The following KCNQ4 variants were observed in gnomAD, a reference collection of about 807,000 sequenced individuals.
The protein encoded by KCNQ4 is potassium voltage-gated channel subfamily KQT member 4.
KCNQ4 carries 31 observed loss-of-function variants against 72.6 expected under a neutral mutation model. The ratio of observed to expected loss-of-function variants is 0.43; its 90% CI spans 0.32 to 0.58. KCNQ4 has a LOEUF of 0.58. Ranked by LOEUF, KCNQ4 falls within the 20% of genes least tolerant of loss-of-function variation. KCNQ4 has a pLI of 0.08. For synonymous variants in KCNQ4, 405 were observed against 403.7 expected, an observed-to-expected ratio of 1.00 and a Z score of -0.04; for missense variants, 869 against 962.6, an observed-to-expected ratio of 0.90 and a Z score of 1.29.
intron 3 of KCNQ4, 49 bp downstream of exon 3, chr1:40,818,339 G>A: frequency 1.2e-6 from 2 of 1,611,250 alleles, no homozygotes; most frequent in Non-Finnish European, 8.5e-7. Context: ...CAGGAGCCAG[G>A]GTGACGCCTT....
chr1:40,831,405 T>A (rs1277780706), intron 10 of KCNQ4, 101 bp downstream of exon 10: 4 of 959,646 alleles, frequency 4.2e-6, no homozygotes, highest in Non-Finnish European at 6.4e-6. Flanking sequence ...GCGTCTCAGC[T>A]CTGGAACTGA....
Position 40,796,177 on chromosome 1 carries a change from G to A in KCNQ4, c.314+11770G>A, listed in dbSNP as rs955001331. ...CAGGACTGTGGTGGGGGGCCGAGGG[G>A]GTAATCAGTGCACATCAGGGGCACC... On this transcript the variant is annotated intron_variant, in intron 1 of 13. Transcript: ENST00000347132. 2.0e-5 allele frequency among the ~76,000 whole-genome samples: 3 copies of A among 152,106 alleles called. No individual in the cohort carries two copies. In the South Asian group the frequency reaches 6.2e-4, roughly 32 times the overall value.
chr1:40,796,423 C>T lies in KCNQ4; in HGVS notation c.314+12016C>T, dbSNP rs1320388903. ...TCTCAATGACACTATGAGGTAGGTA[C>T]TGTTATTATGCCTACTTTTCAGATG... On this transcript the variant is annotated intron_variant, in intron 1 of 13. Transcript: ENST00000347132. Among the ~76,000 whole-genome samples, 3 of 152,284 alleles carry T rather than the reference C, an allele frequency of 2.0e-5. No homozygotes were observed. The East Asian group carries it at 5.8e-4, about 29-fold the overall frequency.
chr1:40,785,394 T>A (rs1408048794), intron 1 of KCNQ4, among the ~76,000 whole-genome samples: 1 of 152,178 alleles, frequency 6.6e-6, no homozygotes. Flanking sequence ...CTCTGGTCCC[T>A]GGAAAATGTG....
At position 40,824,563 on chromosome 1, in the gene KCNQ4, C is replaced by T. The variant is rs3767941; in HGVS notation, c.1292+305C>T. Among the ~76,000 whole-genome samples, 43,485 of 152,010 alleles carry T rather than the reference C, an allele frequency of 0.29. 7,868 individuals carry two copies. The highest frequency in any genetic ancestry group is 0.5 in the African/African-American group (20,588 of 41,380). ...CCTCTTTCTTTCTCTGTTCCCACGT[C>T]CCCCTTACTCCTCCATCCCTGCACC... On this transcript the variant is annotated intron_variant, in intron 9 of 13. Transcript: ENST00000347132.
In KCNQ4 at chr1:40,826,418, G is replaced by C. The variant is rs563600224; in HGVS notation, c.1292+2160G>C. The stretch of plus-strand genomic sequence containing the variant: ...CCACAGGATCAGAATCTCTGGAGAA[G>C]AGACACAGCCTTCTGCATATGTAAC... On this transcript the variant is annotated intron_variant, in intron 9 of 13. Transcript: ENST00000347132. 8.5e-5 allele frequency among the ~76,000 whole-genome samples: 13 copies of C among 152,366 alleles called. No homozygotes were observed. The South Asian group carries it at 2.7e-3, about 32-fold the overall frequency.
chr1:40,824,194 T>A lies in KCNQ4; in HGVS notation c.1228T>A (p.Ser410Thr). Residue 410 changes from serine (S) to threonine (T), a missense_variant, in exon 9 of 14, where the codon TCC (serine) becomes ACC (threonine). Physicochemically the swap from Ser to Thr is moderately conservative, Grantham distance 58. Around this residue, in one of 5 missense-constraint regions of KCNQ4, gnomAD observed 480 missense variants for 501.9 expected, o/e 0.96. Coordinates refer to ENST00000347132, the MANE Select transcript of KCNQ4 (RefSeq NM_004700.4). Reference protein sequence around the residue: ...RRAPVPDGAPSRYPPVATCHR... With the variant: ...RRAPVPDGAPTRYPPVATCHR... Reference sequence around the variant, plus strand: ...GGCGCCGGTACCCGACGGAGCACCCTCCCGTTACCCGCCCGTTGCCACCTG... The same window carrying A: ...GGCGCCGGTACCCGACGGAGCACCCACCCGTTACCCGCCCGTTGCCACCTG... 2 of 1,591,498 alleles carry A rather than the reference T, an allele frequency of 1.3e-6. No homozygotes were observed. Among genetic ancestry groups the A allele is most frequent in the Non-Finnish European group, 1.7e-6 (2 of 1,170,222 alleles).
chr1:40,822,923 G>A (rs1648349026), intron 8 of KCNQ4, among the ~76,000 whole-genome samples: 1 of 152,208 alleles, frequency 6.6e-6, no homozygotes, highest in South Asian at 2.1e-4. Context: ...ACTGGCCCGG[G>A]CCAGGCTAAG....
intron 11 of KCNQ4, 36 bp from the exon 12 acceptor site, chr1:40,834,931 A>G: frequency 2.5e-6 from 4 of 1,610,666 alleles, no homozygotes; most frequent in Non-Finnish European, 1.7e-6. Context: ...TCCCTGCTCT[A>G]ACAGGACACT....
At chr1:40,797,922 T>G (rs1647463026) in intron 1 of KCNQ4, among the ~76,000 whole-genome samples, 1 of 152,134 alleles carries the variant, frequency 6.6e-6, no homozygotes, top group Non-Finnish European at 1.5e-5. Flanking sequence ...GCGCCGAGGC[T>G]GTCTGGAAAG....
intron 12 of KCNQ4, 146 bp downstream of exon 12, chr1:40,835,244 GC>G: frequency 9.3e-7 from 1 of 1,071,248 alleles, no homozygotes; most frequent in Non-Finnish European, 1.3e-6. Flanking sequence ...GGCTTGCAGT[GC>G]CAGCCTGAGG....
chr1:40,812,554 G>T (rs1418140797), intron 1 of KCNQ4, among the ~76,000 whole-genome samples: 1 of 152,174 alleles, frequency 6.6e-6, no homozygotes, highest in African/African-American at 2.4e-5. Context: ...GAGCCACCGC[G>T]CCTCGTCCCA....
rs1482133037 is a variant in KCNQ4, at chr1:40,794,967, G to C, written c.314+10560G>C. Among the ~76,000 whole-genome samples, 1 of 150,004 alleles carries C rather than the reference G, an allele frequency of 6.7e-6. No homozygotes were observed. The highest frequency in any genetic ancestry group is 2.5e-5 in the African/African-American group (1 of 40,500). ...CAAGGCTCTTTCCTAAGATTGGGTT[G>C]GGCGGGTGGGGGGGTGGGGGGCAGA... On this transcript the variant is annotated intron_variant, in intron 1 of 13. Coordinates refer to ENST00000347132, the MANE Select transcript of KCNQ4 (RefSeq NM_004700.4). The surrounding 1 kb of genome is among the most constrained non-coding windows in gnomAD (Gnocchi z 4.2).
At chr1:40,820,390 C>A in intron 7 of KCNQ4, 130 bp downstream of exon 7, 1 of 811,394 alleles carries the variant, frequency 1.2e-6, no homozygotes, top group Non-Finnish European at 2.1e-6. Context: ...GGCTATGTGA[C>A]TTTCCTGGAG....
chr1:40,817,915 TGAG>T lies in KCNQ4; in HGVS notation c.406-245_406-243del, dbSNP rs1404074529. 1.3e-5 allele frequency among the ~76,000 whole-genome samples: 2 copies of T among 152,028 alleles called. No individual in the cohort carries two copies. Among genetic ancestry groups the T allele is most frequent in the Non-Finnish European group, 2.9e-5 (2 of 67,992 alleles). The stretch of plus-strand genomic sequence containing the variant: ...GACAGCTGGGACAGGGAGGGCCTGT[TGAG>T]GAGCAGAAAAATCCGATCAGTTCAT... On this transcript the variant is annotated intron_variant, in intron 2 of 13. Transcript: ENST00000347132. This position sits in a 1 kb window ranked among gnomAD's most constrained non-coding sequence, Gnocchi z 5.5.
rs147084400 is a variant in KCNQ4, at chr1:40,795,858, T to C, written c.314+11451T>C. Among the ~76,000 whole-genome samples the C allele has an allele frequency of 2.8e-4, 43 of 152,350 alleles. 1 individual carries two copies. The East Asian group carries it at 8.3e-3, about 29-fold the overall frequency. ...AGGCTAGAGTTCTAAGCACAGACTT[T>C]GTCACTGAGTAATAAGATTCATAGT... On this transcript the variant is annotated intron_variant, in intron 1 of 13. Coordinates refer to ENST00000347132, the MANE Select transcript of KCNQ4 (RefSeq NM_004700.4).
intron 1 of KCNQ4, among the ~76,000 whole-genome samples, chr1:40,800,001 C>T (rs1647530067): frequency 6.6e-6 from 1 of 152,120 alleles, no homozygotes; most frequent in Non-Finnish European, 1.5e-5. Flanking sequence ...CCTATATGGC[C>T]CTGGCATATC....
At chr1:40,819,832 G>A (rs776304148) in intron 5 of KCNQ4, 43 bp from the exon 6 acceptor site, 1 of 1,474,390 alleles carries the variant, frequency 6.8e-7, no homozygotes, top group Non-Finnish European at 9.5e-7. Flanking sequence ...GCCGTAGGTG[G>A]CCCCCGTGAC....
intron 1 of KCNQ4, among the ~76,000 whole-genome samples, chr1:40,795,596 T>C (rs1343722113): frequency 6.6e-6 from 1 of 152,068 alleles, no homozygotes; most frequent in Non-Finnish European, 1.5e-5. Context: ...CATCAGAGGA[T>C]CCCACTTCTC....
Sources: allele counts gnomAD v4.1 joint callset (sites outside exome capture counted in the v4.1 genomes callset), GRCh38; gene constraint gnomAD v4.1.1; regional missense constraint gnomAD v4.1.1; non-coding constraint Gnocchi (gnomAD v3.1); transcripts MANE v1.5; gene names NCBI Gene and HGNC (gene_info 2026-07-23, HGNC 2026-07-21).